SOS2: variants seen among roughly 807,000 people sequenced by gnomAD.
The protein encoded by SOS2 is son of sevenless homolog 2.
SOS2 carries 65 observed loss-of-function variants against 148.2 expected under a neutral mutation model. The ratio of observed to expected loss-of-function variants is 0.44; its 90% CI spans 0.36 to 0.54. SOS2 has a LOEUF of 0.54. Among genes scored for constraint, SOS2 ranks in the 20% least tolerant of loss-of-function variants. The pLI, the probability that SOS2 is intolerant of heterozygous loss-of-function variation, is 0.00. For synonymous variants in SOS2, 539 were observed against 537.1 expected (o/e 1.00, Z -0.05); for missense variants, 1,341 against 1,590.2 (o/e 0.84, Z 2.67).
intron 1 of SOS2, among the ~76,000 whole-genome samples, chr14:50,228,731 G>A (rs1017242703): frequency 3.3e-5 from 5 of 152,098 alleles, no homozygotes; most frequent in African/African-American, 4.8e-5. Context: ...GCTCAGAACC[G>A]CTCTCATTTA....
Position 50,178,791 on chromosome 14 carries a change from T to C in SOS2, c.969+1781A>G, listed in dbSNP as rs570577553. 3.3e-5 allele frequency among the ~76,000 whole-genome samples: 5 copies of C among 151,214 alleles called. No homozygotes were observed. In the South Asian group the frequency reaches 1.0e-3, roughly 32 times the overall value. On this transcript the variant is annotated intron_variant, in intron 7 of 22. Coordinates refer to ENST00000216373, the MANE Select transcript of SOS2 (RefSeq NM_006939.4). Reference sequence around the variant, plus strand: ...CTCTGTCACCTAGGCTGGAGTGTAGTGGCACGATCTCGGCTCACTGCAACC... The same window carrying C: ...CTCTGTCACCTAGGCTGGAGTGTAGCGGCACGATCTCGGCTCACTGCAACC...
At position 50,182,505 on chromosome 14, in the gene SOS2, A is replaced by G. The variant is rs35396088; in HGVS notation, c.816T>C (p.Ser272=). 0.023 allele frequency: 37,664 copies of G among 1,613,700 alleles called. 645 individuals are homozygous for G. The highest frequency in any genetic ancestry group is 0.025 in the Non-Finnish European group (29,525 of 1,179,590). Residue 272 remains serine (S), a synonymous_variant, in exon 6 of 23, where the codon AGT becomes AGC. Transcript: ENST00000216373. The part of the protein sequence containing the change: ...EDTVEMTDES[S]PHPLAGSCFE... ...AACAGCTGCCAGCTAAGGGATGAGG[A>G]CTGCTTTCATCAGTCATTTCAACTG...
intron 7 of SOS2, among the ~76,000 whole-genome samples, chr14:50,177,238 T>C (rs1885552996): frequency 6.6e-6 from 1 of 152,148 alleles, no homozygotes; most frequent in Admixed American, 6.5e-5. Flanking sequence ...GAGAATCGCT[T>C]TAACCCGGGA....
chr14:50,148,358 C>A (rs977624355), intron 14 of SOS2, among the ~76,000 whole-genome samples: 1 of 146,770 alleles, frequency 6.8e-6, no homozygotes, highest in East Asian at 2.0e-4. Context: ...TGCAGTGAGC[C>A]GAGATTGCAC....
chr14:50,218,970 G>T (rs868102049), intron 1 of SOS2, among the ~76,000 whole-genome samples: 17 of 151,834 alleles, frequency 1.1e-4, no homozygotes, highest in African/African-American at 4.1e-4. Context: ...AAAATTAGCC[G>T]GGCGTGGTGG....
intron 7 of SOS2, among the ~76,000 whole-genome samples, chr14:50,178,666 GTGTGCATATATATATATATATATA>G (rs753835263): frequency 0.046 from 3,192 of 69,906 alleles, 77 homozygotes; most frequent in African/African-American, 0.067. Flanking sequence ...GTGTGTGTGT[GTGTGCATATATATATATATATATA>G]TATATATATA....
chr14:50,134,297 T>G, intron 18 of SOS2, 58 bp from the exon 19 acceptor site: 1 of 812,916 alleles, frequency 1.2e-6, no homozygotes, highest in East Asian at 2.6e-5. Context: ...TTAGATCTTA[T>G]TAAAATAAGA....
chr14:50,135,482 T>C (rs1378121402), intron 18 of SOS2, among the ~76,000 whole-genome samples: 2 of 151,084 alleles, frequency 1.3e-5, no homozygotes, highest in South Asian at 2.1e-4. Flanking sequence ...AATATTAGAC[T>C]ATCTTCCAAT....
chr14:50,149,257 C>A (rs1346927135), intron 14 of SOS2, among the ~76,000 whole-genome samples: 1 of 151,982 alleles, frequency 6.6e-6, no homozygotes, highest in Non-Finnish European at 1.5e-5. Flanking sequence ...GATATGGAAT[C>A]AACAGATTAA....
intron 7 of SOS2, among the ~76,000 whole-genome samples, chr14:50,179,809 T>A (rs1885672917): frequency 6.6e-6 from 1 of 152,146 alleles, no homozygotes; most frequent in Non-Finnish European, 1.5e-5. Context: ...CTAAGTGTAT[T>A]CCTGAACCAA....
chr14:50,204,398 T>A lies in SOS2; in HGVS notation c.99A>T (p.Gln33His). Residue 33 changes from glutamine to histidine, a missense_variant, in exon 2 of 23, where the codon CAA (glutamine) becomes CAT (histidine). Physicochemically the swap from Gln to His is conservative, Grantham distance 24 (BLOSUM62 0). Around this residue, in one of 4 missense-constraint regions of SOS2, gnomAD observed 574 missense variants for 711.1 expected, o/e 0.81. Transcript: ENST00000216373. ...LVSALRKVQE[Q>H]VHPTLSANEE... Reference sequence around the variant, plus strand: ...CATTAGCTGAGAGAGTGGGATGCACTTGTTCCTGAACCTTTAAAAAAAAGT... The same window carrying A: ...CATTAGCTGAGAGAGTGGGATGCACATGTTCCTGAACCTTTAAAAAAAAGT... 6.4e-7 allele frequency: 1 copy of A among 1,573,992 alleles called. No homozygotes were observed. Among genetic ancestry groups the A allele is most frequent in the Non-Finnish European group, 8.7e-7 (1 of 1,154,618 alleles).
Position 50,118,330 on chromosome 14 carries a change from A to AC in SOS2, c.*13dup. 6.2e-7 allele frequency: 1 copy of AC among 1,602,646 alleles called. No homozygotes were observed. The highest frequency in any genetic ancestry group is 2.2e-5 in the East Asian group (1 of 44,752). ...AAATACCATTCCAGTGTCAATGACTACATATGGCTAAGGTCATTGGGGAGT... is the reference window on the plus strand; with the variant it reads ...AAATACCATTCCAGTGTCAATGACTACCATATGGCTAAGGTCATTGGGGAGT... On this transcript the variant is annotated 3_prime_UTR_variant, in exon 23 of 23. Coordinates refer to ENST00000216373, the MANE Select transcript of SOS2 (RefSeq NM_006939.4).
At chr14:50,172,583 G>A (rs951677575) in intron 8 of SOS2, among the ~76,000 whole-genome samples, 2 of 151,734 alleles carry the variant, frequency 1.3e-5, no homozygotes, top group African/African-American at 4.8e-5. Flanking sequence ...GGCCAGACTG[G>A]TCTCAAACTC....
intron 20 of SOS2, 135 bp downstream of exon 20, chr14:50,130,363 CATT>C (rs1427265910): frequency 2.8e-6 from 2 of 706,134 alleles, no homozygotes; most frequent in African/African-American, 1.8e-5. Flanking sequence ...TTGTATTAAT[CATT>C]ATTTTCACAT....
At chr14:50,223,621 G>A (rs1364599928) in intron 1 of SOS2, among the ~76,000 whole-genome samples, 1 of 152,100 alleles carries the variant, frequency 6.6e-6, no homozygotes, top group African/African-American at 2.4e-5. Flanking sequence ...GTTGCAGTGA[G>A]CCAAGATTGC....
chr14:50,221,928 T>C (rs1054763785), intron 1 of SOS2, among the ~76,000 whole-genome samples: 1 of 152,170 alleles, frequency 6.6e-6, no homozygotes, highest in Non-Finnish European at 1.5e-5. Context: ...TAGACTTTTT[T>C]GTTGTTGTAA....
At chr14:50,188,776 C>T (rs1412570196) in intron 4 of SOS2, 76 bp from the exon 5 acceptor site, 1 of 994,342 alleles carries the variant, frequency 1.0e-6, no homozygotes, top group Non-Finnish European at 1.5e-6. Context: ...TACTTGAAAT[C>T]TATACGTTAT....
At chr14:50,210,001 TAA>T in intron 1 of SOS2, among the ~76,000 whole-genome samples, 1 of 152,296 alleles carries the variant, frequency 6.6e-6, no homozygotes, top group East Asian at 1.9e-4. Context: ...GTTGTTTTGC[TAA>T]AAATGCCAAG....
At chr14:50,125,588 C>T (rs1233230169) in intron 21 of SOS2, among the ~76,000 whole-genome samples, 1 of 88,286 alleles carries the variant, frequency 1.1e-5, no homozygotes, top group African/African-American at 4.5e-5. Flanking sequence ...TATATGGAGA[C>T]AGATGGAGGA....
Sources: allele counts gnomAD v4.1 joint callset (sites outside exome capture counted in the v4.1 genomes callset), GRCh38; gene constraint gnomAD v4.1.1; regional missense constraint gnomAD v4.1.1; transcripts MANE v1.5; gene names NCBI Gene and HGNC (gene_info 2026-07-23, HGNC 2026-07-21).